FRK: variants seen among roughly 807,000 people sequenced by gnomAD.
FRK encodes the protein tyrosine-protein kinase FRK.
In FRK, 51 loss-of-function variants were observed where a neutral mutation model predicts 56.4. The observed-to-expected ratio is 0.90, with a 90% confidence interval of 0.72 to 1.14. The LOEUF is 1.14. Among genes scored for constraint, FRK ranks in the 50% most tolerant of loss-of-function variants. The pLI, the probability that FRK is intolerant of heterozygous loss-of-function variation, is 0.00. For missense variants in FRK, 570 were observed against 601.4 expected, an observed-to-expected ratio of 0.95 and a Z score of 0.55; for synonymous variants, 245 against 217.9, an observed-to-expected ratio of 1.12 and a Z score of -1.10.
chr6:116,094,635 CA>C, the FRK span, among the ~76,000 whole-genome samples: 1 of 152,196 alleles, frequency 6.6e-6, no homozygotes, highest in Admixed American at 6.5e-5. Flanking sequence ...TGCAAAAACC[CA>C]AAGAGGTGGC....
At chr6:115,967,058 T>C (rs946950372) in intron 4 of FRK, among the ~76,000 whole-genome samples, 9 of 152,182 alleles carry the variant, frequency 5.9e-5, no homozygotes, top group African/African-American at 2.2e-4. Flanking sequence ...ATAATTTTAC[T>C]TGCCATCACA....
rs1330400857 is a variant in FRK at position 115,936,738 on chromosome 6, T to C, written c.*5676A>G. On this transcript the variant is annotated 3_prime_UTR_variant, in exon 8 of 8. Coordinates refer to ENST00000606080, the MANE Select transcript of FRK (RefSeq NM_002031.3). ...AAGAAAGGATATCAAAGATTGAAGA[T>C]CAACTTAATGAAATAAAGGAGAAGA... 1 of 151,894 alleles carries C rather than the reference T, an allele frequency of 6.6e-6. No homozygotes were observed. The highest frequency in any genetic ancestry group is 1.5e-5 in the Non-Finnish European group (1 of 67,984). The allele number at this position is 151,894 out of a possible 1,614,324, so 9.4% of individuals were successfully genotyped here.
At chr6:116,002,645 C>T in intron 2 of FRK, 1 of 452,014 alleles carries the variant, frequency 2.2e-6, no homozygotes, top group South Asian at 1.6e-5. Context: ...CACACACAAT[C>T]ACATTTCAAG....
chr6:115,982,863 GGAGTTT>G (rs1432190758), intron 2 of FRK, among the ~76,000 whole-genome samples: 1 of 152,018 alleles, frequency 6.6e-6, no homozygotes, highest in Non-Finnish European at 1.5e-5. Context: ...CTTGAGGTTA[GGAGTTT>G]GAGACCAGCC....
chr6:116,060,439 A>G lies in FRK; in HGVS notation c.-128T>C. ...ACTCACCATACTTCGGAGAGTATGC[A>G]AAGTCCCGTTTCAGATCAGTCCAGC... On this transcript the variant is annotated 5_prime_UTR_variant, in exon 1 of 8. Coordinates refer to ENST00000606080, the MANE Select transcript of FRK (RefSeq NM_002031.3). 2 of 698,542 alleles carry G rather than the reference A, an allele frequency of 2.9e-6. No individual in the cohort carries two copies. The highest frequency in any genetic ancestry group is 4.8e-6 in the Non-Finnish European group (2 of 418,238). 43.3% of individuals were successfully genotyped at this position (698,542 alleles called of 1,614,324 possible). A position where few individuals can be genotyped will look rare whatever the true frequency, so the allele number is the denominator to read the frequency against.
chr6:115,984,716 G>T (rs1774326746), intron 2 of FRK, among the ~76,000 whole-genome samples: 2 of 146,596 alleles, frequency 1.4e-5, no homozygotes, highest in South Asian at 2.2e-4. Context: ...TCCTATACCT[G>T]TTTCCCTCTG....
At chr6:116,066,553 A>G in the FRK span, among the ~76,000 whole-genome samples, 28 of 152,248 alleles carry the variant, frequency 1.8e-4, no homozygotes, top group Non-Finnish European at 2.9e-4. Flanking sequence ...TATAATATCA[A>G]TCAGACCTGT....
In FRK at chr6:115,937,925, G is replaced by A. The variant is rs1772081283; in HGVS notation, c.*4489C>T. Reference sequence around the variant, plus strand: ...CAATATTAGACAGATAAATGAGACAGAAAATTAACAAAGATATTCAGAACT... The same window carrying A: ...CAATATTAGACAGATAAATGAGACAAAAAATTAACAAAGATATTCAGAACT... On this transcript the variant is annotated 3_prime_UTR_variant, in exon 8 of 8. Coordinates refer to ENST00000606080, the MANE Select transcript of FRK (RefSeq NM_002031.3). The A allele has an allele frequency of 1.3e-5, 2 of 152,300 alleles. No individual in the cohort carries two copies. Among genetic ancestry groups the A allele is most frequent in the South Asian group, 4.1e-4 (2 of 4,828 alleles). 9.4% of individuals were successfully genotyped at this position (152,300 alleles called of 1,614,324 possible).
At chr6:116,070,136 A>T in the FRK span, among the ~76,000 whole-genome samples, 2 of 112,724 alleles carry the variant, frequency 1.8e-5, no homozygotes, top group Non-Finnish European at 3.7e-5. Flanking sequence ...CCATTATTTA[A>T]AAAAAAAAAA....
At position 116,060,088 on chromosome 6, in the gene FRK, A is replaced by G; in HGVS notation, c.224T>C (p.Leu75Ser). The change falls in exon 1 of 8, where the codon TTG becomes TCG. Residue 75 changes from leucine (L) to serine (S), a missense_variant. Coordinates refer to ENST00000606080, the MANE Select transcript of FRK (RefSeq NM_002031.3). The part of the protein sequence containing the change: ...AGDKLQVLDT[L>S]HEGWWFARHL... ...TCTGGCAAACCACCAGCCCTCATGCAAAGTGTCCAGAACTTGAAGTTTGTC... is the reference window on the plus strand; with the variant it reads ...TCTGGCAAACCACCAGCCCTCATGCGAAGTGTCCAGAACTTGAAGTTTGTC... The G allele has an allele frequency of 1.2e-6, 2 of 1,614,182 alleles. No individual in the cohort carries two copies. The highest frequency in any genetic ancestry group is 1.1e-5 in the South Asian group (1 of 91,078).
At chr6:116,064,269 A>G (rs1327293401), upstream of FRK, among the ~76,000 whole-genome samples, 1 of 152,108 alleles carries the variant, frequency 6.6e-6, no homozygotes, top group Non-Finnish European at 1.5e-5. Context: ...AAAGGCCTCT[A>G]TGCACCCCTA....
At chr6:116,014,524 G>A (rs1259428977) in intron 1 of FRK, among the ~76,000 whole-genome samples, 4 of 151,516 alleles carry the variant, frequency 2.6e-5, no homozygotes, top group Non-Finnish European at 5.9e-5. Context: ...AGGTATTTGT[G>A]AGCAGATTGG....
chr6:115,984,677 C>A (rs1430380648), intron 2 of FRK, among the ~76,000 whole-genome samples: 1 of 150,020 alleles, frequency 6.7e-6, no homozygotes, highest in East Asian at 2.0e-4. Context: ...TGTTTTGTTT[C>A]TTTTTTTCCT....
the FRK span, among the ~76,000 whole-genome samples, chr6:116,098,503 G>C: frequency 6.6e-6 from 1 of 152,058 alleles, no homozygotes; most frequent in Non-Finnish European, 1.5e-5. Context: ...TGCTAATCCT[G>C]TTGGATTAGG....
intron 1 of FRK, among the ~76,000 whole-genome samples, chr6:116,019,491 C>T (rs1428143179): frequency 2.0e-5 from 3 of 152,098 alleles, no homozygotes; most frequent in Non-Finnish European, 4.4e-5. Flanking sequence ...CCTATGACGA[C>T]GATGACAATT....
chr6:115,996,893 C>A (rs1234713834), intron 2 of FRK, among the ~76,000 whole-genome samples: 5 of 152,124 alleles, frequency 3.3e-5, no homozygotes, highest in Admixed American at 3.3e-4. Flanking sequence ...ACAAGGTCAA[C>A]AAGAAAGGAG....
intron 2 of FRK, among the ~76,000 whole-genome samples, chr6:115,982,926 G>T (rs1774256895): frequency 1.3e-5 from 2 of 151,894 alleles, no homozygotes; most frequent in African/African-American, 4.8e-5. Context: ...ACAAAATTTA[G>T]CCAGGCATGG....
chr6:115,972,226 A>G (rs542841), intron 2 of FRK, among the ~76,000 whole-genome samples: 150,159 of 152,310 alleles, frequency 0.99, 74,055 homozygotes, highest in East Asian at 1. Flanking sequence ...CTACAGTGCC[A>G]TGGCACTTTT....
chr6:116,035,176 T>A lies in FRK; in HGVS notation c.344+24792A>T, dbSNP rs890925425. On this transcript the variant is annotated intron_variant, in intron 1 of 7. Coordinates refer to ENST00000606080, the MANE Select transcript of FRK (RefSeq NM_002031.3). ...TATAGTAGAGATTCGTGTGCAGTAA[T>A]CAGAGGGGAAGTAGAGTCAAGCGTT... Among the ~76,000 whole-genome samples, 5 of 152,076 alleles carry A rather than the reference T, an allele frequency of 3.3e-5. No homozygotes were observed. In the East Asian group the frequency reaches 9.6e-4, roughly 29 times the overall value.
Sources: allele counts gnomAD v4.1 joint callset (sites outside exome capture counted in the v4.1 genomes callset), GRCh38; gene constraint gnomAD v4.1.1; transcripts MANE v1.5; gene names NCBI Gene and HGNC (gene_info 2026-07-23, HGNC 2026-07-21).